The following POU2F3 variants were observed in gnomAD, a reference collection of about 807,000 sequenced individuals.
The protein encoded by POU2F3 is POU domain, class 2, transcription factor 3.
POU2F3 carries 23 observed loss-of-function variants against 59.2 expected under a neutral mutation model. The ratio of observed to expected loss-of-function variants is 0.39; its 90% CI spans 0.28 to 0.55. The LOEUF (loss-of-function observed/expected upper bound fraction) is 0.55. Among genes scored for constraint, POU2F3 ranks in the 20% least tolerant of loss-of-function variants. The pLI is 0.66. For synonymous variants in POU2F3, 190 were observed against 214.6 expected, an observed-to-expected ratio of 0.89 and a Z score of 1.00; for missense variants, 473 against 544.5, an observed-to-expected ratio of 0.87 and a Z score of 1.31.
At chr11:120,274,374 A>T (rs1940235559) in intron 3 of POU2F3, among the ~76,000 whole-genome samples, 1 of 152,204 alleles carries the variant, frequency 6.6e-6, no homozygotes, top group Admixed American at 6.5e-5. Flanking sequence ...TATACACTGT[A>T]TATGTGCTAT....
At position 120,264,190 on chromosome 11, in the gene POU2F3, T is replaced by TACACACACAC. The variant is rs35186745; in HGVS notation, c.98-4986_98-4977dup. Among the ~76,000 whole-genome samples the TACACACACAC allele has an allele frequency of 2.4e-3, 326 of 133,122 alleles. 1 individual carries two copies. Among genetic ancestry groups the TACACACACAC allele is most frequent in the African/African-American group, 6.0e-3 (214 of 35,622 alleles). The allele number at this position is 133,122 out of a possible 152,430, so 87.3% of individuals were successfully genotyped here. On this transcript the variant is annotated intron_variant, in intron 2 of 12. Coordinates refer to ENST00000543440, the MANE Select transcript of POU2F3 (RefSeq NM_014352.4). ...GCCTAGGTAACATGATAAGACCTCA[T>TACACACACAC]ACACACACACACACACACACACACA...
In POU2F3 at chr11:120,307,600, G is replaced by A; in HGVS notation, c.891G>A (p.Glu297=). 6.2e-7 allele frequency: 1 copy of A among 1,613,244 alleles called. No homozygotes were observed. ...SIETNIRLTL[E]KRFQDNPKPS... ...AGACCAACATCCGCCTGACTCTGGA[G>A]AAGAGGTTTCAAGATGTGAGCAGCA... Residue 297 remains glutamate, a synonymous_variant, in exon 9 of 13, where the codon GAG becomes GAA. Coordinates refer to ENST00000543440, the MANE Select transcript of POU2F3 (RefSeq NM_014352.4).
At chr11:120,278,710 G>A (rs1256610934) in intron 3 of POU2F3, among the ~76,000 whole-genome samples, 1 of 152,178 alleles carries the variant, frequency 6.6e-6, no homozygotes, top group Non-Finnish European at 1.5e-5. Context: ...GAATGTTCAG[G>A]CAGGAGATAA....
intron 7 of POU2F3, 69 bp from the exon 8 acceptor site, chr11:120,305,575 T>A: frequency 6.3e-7 from 1 of 1,586,914 alleles, no homozygotes; most frequent in South Asian, 1.2e-5. Context: ...GCTAGGACCA[T>A]GCAGGATGTG....
chr11:120,269,465 G>A (rs781142507), intron 3 of POU2F3, among the ~76,000 whole-genome samples: 2 of 152,110 alleles, frequency 1.3e-5, no homozygotes, highest in Non-Finnish European at 2.9e-5. Flanking sequence ...CTAACAAATG[G>A]AGCACCTGTT....
chr11:120,280,603 AAG>A (rs1466808197), intron 3 of POU2F3, among the ~76,000 whole-genome samples: 1 of 151,500 alleles, frequency 6.6e-6, no homozygotes, highest in Non-Finnish European at 1.5e-5. Context: ...TTTTGAGAGA[AAG>A]AGGACAGACA....
rs956457972 is a variant in POU2F3 at position 120,299,474 on chromosome 11, A to G, written c.259-150A>G. 1.0e-4 allele frequency: 61 copies of G among 609,692 alleles called. No individual in the cohort carries two copies. In the East Asian group the frequency reaches 1.1e-3, roughly 11 times the overall value. The allele number at this position is 609,692 out of a possible 1,614,324, so 37.8% of individuals were successfully genotyped here. Reference sequence around the variant, plus strand: ...GTTAACGGAGTAGCTACTATTTGCTAGACACTGGGGATACACAGTGGCATA... The same window carrying G: ...GTTAACGGAGTAGCTACTATTTGCTGGACACTGGGGATACACAGTGGCATA... On this transcript the variant is annotated intron_variant, in intron 4 of 12. Coordinates refer to ENST00000543440, the MANE Select transcript of POU2F3 (RefSeq NM_014352.4).
At chr11:120,260,055 T>G (rs1227610693) in intron 2 of POU2F3, among the ~76,000 whole-genome samples, 1 of 152,202 alleles carries the variant, frequency 6.6e-6, no homozygotes, top group African/African-American at 2.4e-5. Flanking sequence ...TCACTAGAAG[T>G]CTTACTGGGT....
At chr11:120,293,529 C>A (rs531532206) in intron 3 of POU2F3, among the ~76,000 whole-genome samples, 79 of 152,272 alleles carry the variant, frequency 5.2e-4, no homozygotes, top group African/African-American at 1.7e-3. Context: ...AAAAAAAAAT[C>A]TTGCCTGAAA....
At chr11:120,286,742 T>C (rs1391855849) in intron 3 of POU2F3, among the ~76,000 whole-genome samples, 5 of 152,240 alleles carry the variant, frequency 3.3e-5, no homozygotes, top group Non-Finnish European at 7.3e-5. Flanking sequence ...TTAATTTTCA[T>C]ATTTCTAAGT....
intron 3 of POU2F3, among the ~76,000 whole-genome samples, chr11:120,292,781 G>A (rs1200753942): frequency 6.6e-6 from 1 of 152,248 alleles, no homozygotes; most frequent in Non-Finnish European, 1.5e-5. Flanking sequence ...CAAGTCCTGG[G>A]CACCATGAAG....
chr11:120,276,825 CAGAT>C (rs1479898637), intron 3 of POU2F3, among the ~76,000 whole-genome samples: 2 of 152,094 alleles, frequency 1.3e-5, no homozygotes, highest in Non-Finnish European at 2.9e-5. Flanking sequence ...CCACTAGGCA[CAGAT>C]AGAGCCGGCA....
At chr11:120,257,439 C>T (rs998650120) in intron 2 of POU2F3, among the ~76,000 whole-genome samples, 6 of 151,944 alleles carry the variant, frequency 3.9e-5, no homozygotes, top group Non-Finnish European at 5.9e-5. Context: ...TGCCACATCT[C>T]GGGGTCACCA....
At chr11:120,311,168 G>A (rs1359704510) in intron 10 of POU2F3, among the ~76,000 whole-genome samples, 1 of 152,160 alleles carries the variant, frequency 6.6e-6, no homozygotes, top group Non-Finnish European at 1.5e-5. Context: ...CAGACCAGCA[G>A]GGGCCAGACT....
At chr11:120,249,663 C>A in intron 2 of POU2F3, 1 of 152,342 alleles carries the variant, frequency 6.6e-6, no homozygotes. Context: ...TTTGACCATG[C>A]TGGCCACATC....
intron 10 of POU2F3, among the ~76,000 whole-genome samples, chr11:120,310,611 G>A (rs537651134): frequency 1.3e-3 from 199 of 152,260 alleles, no homozygotes; most frequent in Non-Finnish European, 2.4e-3. Context: ...GTGTGGGAAG[G>A]TTCTTCTCTG....
chr11:120,251,310 G>A (rs1939086592), intron 2 of POU2F3, among the ~76,000 whole-genome samples: 1 of 152,214 alleles, frequency 6.6e-6, no homozygotes, highest in Non-Finnish European at 1.5e-5. Context: ...GTGTGAGCCT[G>A]TGCGTGCGCA....
chr11:120,256,525 T>A (rs188899632), intron 2 of POU2F3: 4 of 152,320 alleles, frequency 2.6e-5, no homozygotes, highest in Non-Finnish European at 4.4e-5. Flanking sequence ...CAGCACACTG[T>A]CGTGTCCACA....
At chr11:120,281,757 C>T (rs547144041) in intron 3 of POU2F3, among the ~76,000 whole-genome samples, 1 of 152,252 alleles carries the variant, frequency 6.6e-6, no homozygotes, top group South Asian at 2.1e-4. Flanking sequence ...GCAGATCGAG[C>T]TCTGGCATTA....
Sources: allele counts gnomAD v4.1 joint callset (sites outside exome capture counted in the v4.1 genomes callset), GRCh38; gene constraint gnomAD v4.1.1; transcripts MANE v1.5; gene names NCBI Gene and HGNC (gene_info 2026-07-23, HGNC 2026-07-21).